Variants in GRIK4 observed in about 807,000 individuals in gnomAD.
The protein encoded by GRIK4 is glutamate ionotropic receptor kainate type subunit 4, also known as glutamate receptor ionotropic, kainate 4.
Under a neutral mutation model 104.9 loss-of-function variants are expected in GRIK4, and 40 were observed. The ratio of observed to expected loss-of-function variants is 0.38; its 90% CI spans 0.30 to 0.50. The LOEUF is 0.50. GRIK4 is among the 20% of genes least tolerant of loss of function. The pLI, the probability that GRIK4 is intolerant of heterozygous loss-of-function variation, is 0.93. For missense variants in GRIK4, 1,047 were observed against 1,308.1 expected (o/e 0.80, Z 3.08); for synonymous variants, 485 against 524.9 (o/e 0.92, Z 1.04).
At chr11:120,835,727 G>A (rs571179605) in intron 7 of GRIK4, among the ~76,000 whole-genome samples, 2 of 152,260 alleles carry the variant, frequency 1.3e-5, no homozygotes, top group Admixed American at 6.5e-5. Flanking sequence ...ACTGTCAGGA[G>A]GGATGAGGGT....
chr11:120,699,539 ATGTGTGTG>A (rs57345739), intron 3 of GRIK4, among the ~76,000 whole-genome samples: 2,850 of 145,138 alleles, frequency 0.02, 89 homozygotes, highest in African/African-American at 0.057. Context: ...AGGTGTGTGT[ATGTGTGTG>A]TGTGTGTGTG....
At chr11:120,777,936 C>CAAA (rs200698302) in intron 3 of GRIK4, among the ~76,000 whole-genome samples, 1 of 112,292 alleles carries the variant, frequency 8.9e-6, no homozygotes, top group African/African-American at 3.5e-5. Context: ...GACTCCATCT[C>CAAA]AAAAAAAAAA....
chr11:120,666,356 T>C (rs1469844441), intron 3 of GRIK4, among the ~76,000 whole-genome samples: 1 of 152,146 alleles, frequency 6.6e-6, no homozygotes, highest in Non-Finnish European at 1.5e-5. Flanking sequence ...GAGGACAGCG[T>C]TGGGACAGGG....
chr11:120,751,096 G>A (rs1005989773), intron 3 of GRIK4, among the ~76,000 whole-genome samples: 1 of 152,118 alleles, frequency 6.6e-6, no homozygotes, highest in African/African-American at 2.4e-5. Flanking sequence ...TGTGAGAAGC[G>A]CAGTAGAGAG....
chr11:120,546,425 C>A (rs1948085958), intron 1 of GRIK4, among the ~76,000 whole-genome samples: 1 of 152,182 alleles, frequency 6.6e-6, no homozygotes, highest in African/African-American at 2.4e-5. Flanking sequence ...GGGACCGCGC[C>A]TGCCTGTGTC....
At chr11:120,753,752 A>G (rs900828783) in intron 3 of GRIK4, among the ~76,000 whole-genome samples, 10 of 152,144 alleles carry the variant, frequency 6.6e-5, no homozygotes, top group Non-Finnish European at 1.3e-4. Context: ...AGACACCAGA[A>G]TCTGTTTTTC....
At chr11:120,891,979 A>C (rs1955313900) in intron 11 of GRIK4, among the ~76,000 whole-genome samples, 1 of 152,244 alleles carries the variant, frequency 6.6e-6, no homozygotes, top group Non-Finnish European at 1.5e-5. Flanking sequence ...GTCACAGTGC[A>C]CGAATGAATG....
At chr11:120,869,624 C>A (rs955321064) in intron 9 of GRIK4, 2 of 152,370 alleles carry the variant, frequency 1.3e-5, no homozygotes, top group Non-Finnish European at 2.9e-5. Flanking sequence ...TAGTGGCAAC[C>A]GTGTGGCAGG....
intron 1 of GRIK4, among the ~76,000 whole-genome samples, chr11:120,647,581 G>A (rs540085827): frequency 6.6e-6 from 1 of 152,334 alleles, no homozygotes; most frequent in East Asian, 1.9e-4. Flanking sequence ...CCTTCGAACA[G>A]CCCTTGCTTG....
intron 1 of GRIK4, among the ~76,000 whole-genome samples, chr11:120,648,966 G>T (rs1949579643): frequency 6.6e-6 from 1 of 152,210 alleles, no homozygotes; most frequent in Non-Finnish European, 1.5e-5. Flanking sequence ...TCAGCAGCCA[G>T]TTTCTCCTCC....
At chr11:120,535,291 G>GTT (rs57783245) in intron 1 of GRIK4, among the ~76,000 whole-genome samples, 1 of 145,882 alleles carries the variant, frequency 6.9e-6, no homozygotes, top group Non-Finnish European at 1.5e-5. Context: ...AGAGGGAAGG[G>GTT]GGGTGCAGAT....
intron 1 of GRIK4, among the ~76,000 whole-genome samples, chr11:120,612,919 G>A (rs1378123854): frequency 6.6e-6 from 1 of 152,330 alleles, no homozygotes; most frequent in African/African-American, 2.4e-5. Flanking sequence ...GGTAGGTAGG[G>A]GAGGAGGGTC....
At chr11:120,657,447 C>T (rs923006406) in intron 2 of GRIK4, among the ~76,000 whole-genome samples, 1 of 152,232 alleles carries the variant, frequency 6.6e-6, no homozygotes, top group South Asian at 2.1e-4. Flanking sequence ...TTATCTTCCT[C>T]TGTCTTCCTC....
chr11:120,840,605 G>A (rs1369647243), intron 8 of GRIK4, among the ~76,000 whole-genome samples: 4 of 152,170 alleles, frequency 2.6e-5, no homozygotes, highest in Non-Finnish European at 5.9e-5. Context: ...AGTCCTGGCA[G>A]GTAGACTGAG....
intron 1 of GRIK4, among the ~76,000 whole-genome samples, chr11:120,604,591 G>GGGA (rs1035953997): frequency 4.1e-4 from 62 of 152,328 alleles, no homozygotes; most frequent in African/African-American, 1.5e-3. Context: ...ATACAGACAG[G>GGGA]GGAGGATTTC....
chr11:120,580,269 C>CCTTT (rs374600326), intron 1 of GRIK4, among the ~76,000 whole-genome samples: 2 of 113,814 alleles, frequency 1.8e-5, no homozygotes, highest in African/African-American at 8.6e-5. Context: ...TTCTTTCTTT[C>CCTTT]CTTTCTTTCT....
At chr11:120,690,536 G>A (rs952401503) in intron 3 of GRIK4, among the ~76,000 whole-genome samples, 3 of 152,244 alleles carry the variant, frequency 2.0e-5, no homozygotes, top group South Asian at 2.1e-4. Context: ...TCGAGCATGG[G>A]CAGCCAGGCA....
At chr11:120,531,100 A>G (rs1363309837) in intron 1 of GRIK4, among the ~76,000 whole-genome samples, 1 of 152,168 alleles carries the variant, frequency 6.6e-6, no homozygotes, top group African/African-American at 2.4e-5. Context: ...ACAGCCCTTT[A>G]GATATTTGGA....
At chr11:120,934,783 A>G (rs1419397293) in intron 13 of GRIK4, among the ~76,000 whole-genome samples, 1 of 152,168 alleles carries the variant, frequency 6.6e-6, no homozygotes, top group Admixed American at 6.5e-5. Flanking sequence ...GTGGGGGCGC[A>G]CATCCGCCCC....
Sources: allele counts gnomAD v4.1 joint callset (sites outside exome capture counted in the v4.1 genomes callset), GRCh38; gene constraint gnomAD v4.1.1; transcripts MANE v1.5; gene names NCBI Gene and HGNC (gene_info 2026-07-23, HGNC 2026-07-21).